SNX1: variants seen among roughly 807,000 people sequenced by gnomAD.
SNX1 encodes the protein sorting nexin 1, also known as sorting nexin-1.
Under a neutral mutation model 71.8 loss-of-function variants are expected in SNX1, and 36 were observed. That is an observed-to-expected ratio of 0.50 (90% CI 0.38 to 0.66). The LOEUF is 0.66. SNX1 is among the 30% of genes least tolerant of loss of function. SNX1 has a pLI of 0.00. For synonymous variants in SNX1, 254 were observed against 240.7 expected, an observed-to-expected ratio of 1.06 and a Z score of -0.51; for missense variants, 612 against 646.7, an observed-to-expected ratio of 0.95 and a Z score of 0.58.
Position 64,138,094 on chromosome 15 carries a change from C to T in SNX1, c.*476C>T, listed in dbSNP as rs1049446739. Reference sequence around the variant, plus strand: ...GGAATACTCCTAACCAAGAAGTTGCCCAGGTATAGTAAGTTTTTCTCTACC... The same window carrying T: ...GGAATACTCCTAACCAAGAAGTTGCTCAGGTATAGTAAGTTTTTCTCTACC... On this transcript the variant is annotated 3_prime_UTR_variant, in exon 15 of 15. Coordinates refer to ENST00000559844, the MANE Select transcript of SNX1 (RefSeq NM_003099.5). The T allele has an allele frequency of 6.5e-7, 1 of 1,535,702 alleles. No individual in the cohort carries two copies. The highest frequency in any genetic ancestry group is 8.7e-7 in the Non-Finnish European group (1 of 1,146,868).
At chr15:64,135,351 C>T (rs190980634) in intron 12 of SNX1, among the ~76,000 whole-genome samples, 34 of 150,914 alleles carry the variant, frequency 2.3e-4, no homozygotes, top group Middle Eastern at 3.4e-3. Flanking sequence ...CCACCTGCCT[C>T]GGCCTCCCAA....
rs1271297322 is a variant in SNX1, at chr15:64,134,821, G to A, written c.1365+14G>A. The A allele has an allele frequency of 6.2e-7, 1 of 1,613,492 alleles. No homozygotes were observed. ...GAGATCCTCGAGGTGAGTCCACTGAGGCAGCCCAGCCAGGGGTGTTCTGCT... is the reference window on the plus strand; with the variant it reads ...GAGATCCTCGAGGTGAGTCCACTGAAGCAGCCCAGCCAGGGGTGTTCTGCT... On this transcript the variant is annotated intron_variant, in intron 12 of 14. Transcript: ENST00000559844. The surrounding 1 kb of genome is among the most constrained non-coding windows in gnomAD (Gnocchi z 4.1).
Position 64,096,001 on chromosome 15 carries a change from C to A in SNX1, c.-13C>A, listed in dbSNP as rs1172569555. The stretch of plus-strand genomic sequence containing the variant: ...AAAGTTGTTGTTGCGGCTTCCGCCG[C>A]GGGTGGAAGAAGATGGCGTCGGGTG... On this transcript the variant is annotated 5_prime_UTR_variant, in exon 1 of 15. Transcript: ENST00000559844. The A allele has an allele frequency of 3.1e-6, 5 of 1,594,964 alleles. No individual in the cohort carries two copies. Among genetic ancestry groups the A allele is most frequent in the African/African-American group, 1.3e-5 (1 of 74,928 alleles).
chr15:64,120,690 A>C (rs2081188018), intron 4 of SNX1, among the ~76,000 whole-genome samples: 1 of 152,048 alleles, frequency 6.6e-6, no homozygotes, highest in Non-Finnish European at 1.5e-5. Flanking sequence ...AAAAATAAAA[A>C]ATTACAGAGG....
At chr15:64,130,377 T>C (rs1375153689) in intron 10 of SNX1, 56 bp downstream of exon 10, 1 of 1,398,726 alleles carries the variant, frequency 7.1e-7, no homozygotes, top group Non-Finnish European at 1.0e-6. Flanking sequence ...TCTAGTGAAC[T>C]GGAGATGCGA....
intron 5 of SNX1, among the ~76,000 whole-genome samples, chr15:64,124,756 G>T (rs931401791): frequency 6.6e-6 from 1 of 152,142 alleles, no homozygotes; most frequent in African/African-American, 2.4e-5. Flanking sequence ...AGTAATTCCC[G>T]TGGGTCATAG....
At chr15:64,135,643 C>T (rs2081351506) in intron 12 of SNX1, among the ~76,000 whole-genome samples, 1 of 151,124 alleles carries the variant, frequency 6.6e-6, no homozygotes, top group Non-Finnish European at 1.5e-5. Flanking sequence ...CTTATAGTCT[C>T]AGATACTCAG....
In SNX1 at chr15:64,123,505, G is replaced by T. The variant is rs1232939902; in HGVS notation, c.469G>T (p.Asp157Tyr). ...TCTGCTTTCTTGTTCTCTCACAGGGGATGGTATGAATGCATATGTAGCCTA... is the reference window on the plus strand; with the variant it reads ...TCTGCTTTCTTGTTCTCTCACAGGGTATGGTATGAATGCATATGTAGCCTA... ...VGITDPEKIG[D>Y]GMNAYVAYKV... The change falls in exon 5 of 15, where the codon GAT becomes TAT. Residue 157 changes from aspartate (D) to tyrosine (Y), a missense_variant and splice_region_variant. Around this residue, in one of 2 missense-constraint regions of SNX1, gnomAD observed 316 missense variants for 284.9 expected, o/e 1.11. Coordinates refer to ENST00000559844, the MANE Select transcript of SNX1 (RefSeq NM_003099.5). The T allele has an allele frequency of 1.2e-6, 2 of 1,613,504 alleles. No homozygotes were observed. Among genetic ancestry groups the T allele is most frequent in the African/African-American group, 2.7e-5 (2 of 74,920 alleles).
intron 5 of SNX1, 76 bp downstream of exon 5, chr15:64,123,622 T>C (rs1352332200): frequency 8.3e-7 from 1 of 1,209,728 alleles, no homozygotes; most frequent in Non-Finnish European, 1.2e-6. Context: ...TTCAGATTAT[T>C]TCTGGGTATC....
intron 1 of SNX1, among the ~76,000 whole-genome samples, chr15:64,098,931 A>C (rs1470377507): frequency 6.6e-6 from 1 of 152,160 alleles, no homozygotes; most frequent in African/African-American, 2.4e-5. Context: ...AGGAAACTAA[A>C]ATGCCACCTA....
chr15:64,138,724 CAG>C lies in SNX1; in HGVS notation c.*1109_*1110del. Reference sequence around the variant, plus strand: ...CTCTGCCGGTCTAGCCAGGGGAGGCCAGAGTCTCGTCAGTCAAGGATGGGCTT... The same window carrying C: ...CTCTGCCGGTCTAGCCAGGGGAGGCCAGTCTCGTCAGTCAAGGATGGGCTT... On this transcript the variant is annotated 3_prime_UTR_variant, in exon 15 of 15. Transcript: ENST00000559844. 2 of 153,026 alleles carry C rather than the reference CAG, an allele frequency of 1.3e-5. No homozygotes were observed. Among genetic ancestry groups the C allele is most frequent in the South Asian group, 4.1e-4 (2 of 4,860 alleles). The allele number at this position is 153,026 out of a possible 1,614,324, so 9.5% of individuals were successfully genotyped here.
At chr15:64,123,661 G>A (rs1344585148) in intron 5 of SNX1, 115 bp downstream of exon 5, 1 of 857,924 alleles carries the variant, frequency 1.2e-6, no homozygotes, top group East Asian at 2.5e-5. Flanking sequence ...ACATCTTCAT[G>A]TTTACTCAAG....
intron 5 of SNX1, among the ~76,000 whole-genome samples, chr15:64,123,770 A>G (rs531655444): frequency 7.2e-5 from 11 of 152,234 alleles, no homozygotes; most frequent in Non-Finnish European, 1.2e-4. Flanking sequence ...GTGTGATTCT[A>G]TTAACTCGTG....
At chr15:64,132,151 T>C (rs930200477) in intron 11 of SNX1, among the ~76,000 whole-genome samples, 2 of 152,188 alleles carry the variant, frequency 1.3e-5, no homozygotes, top group Non-Finnish European at 2.9e-5. Context: ...TCCGAATAGG[T>C]TGCCCTTTAT....
intron 1 of SNX1, among the ~76,000 whole-genome samples, chr15:64,109,331 C>T (rs2081054749): frequency 6.6e-6 from 1 of 151,820 alleles, no homozygotes; most frequent in African/African-American, 2.4e-5. Context: ...AAGACCACGC[C>T]ACTGCACAAT....
rs1303697758 is a variant in SNX1 at position 64,129,628 on chromosome 15, C to T, written c.808-288C>T. ...CTTAAGCAGTTCATGCCTGGGTAGG[C>T]AGACAATCTCAATTTGAGGTCACCT... is the stretch of plus-strand genomic sequence containing the variant. On this transcript the variant is annotated intron_variant, in intron 8 of 14. Coordinates refer to ENST00000559844, the MANE Select transcript of SNX1 (RefSeq NM_003099.5). This position sits in a 1 kb window ranked among gnomAD's most constrained non-coding sequence, Gnocchi z 4.4. Among the ~76,000 whole-genome samples the T allele has an allele frequency of 2.0e-5, 3 of 152,184 alleles. No individual in the cohort carries two copies. The highest frequency in any genetic ancestry group is 7.2e-5 in the African/African-American group (3 of 41,432).
Position 64,138,822 on chromosome 15 carries a change from TCGAGC to T in SNX1, c.*1205_*1209del. 1 of 152,344 alleles carries T rather than the reference TCGAGC, an allele frequency of 6.6e-6. No homozygotes were observed. Among genetic ancestry groups the T allele is most frequent in the Non-Finnish European group, 1.5e-5 (1 of 68,204 alleles). The allele number at this position is 152,344 out of a possible 1,614,324, so 9.4% of individuals were successfully genotyped here. ...TGGGCTTTGAAGCTCCTTTGTGAGC[TCGAGC>T]TGCTGACTGCCACTATGGGAGCCTT... On this transcript the variant is annotated 3_prime_UTR_variant, in exon 15 of 15. Transcript: ENST00000559844.
chr15:64,133,119 C>T lies in SNX1; in HGVS notation c.1221+1227C>T, dbSNP rs2081323626. Among the ~76,000 whole-genome samples the T allele has an allele frequency of 3.9e-5, 6 of 152,152 alleles. No individual in the cohort carries two copies. The South Asian group carries it at 1.0e-3, about 26-fold the overall frequency. On this transcript the variant is annotated intron_variant, in intron 11 of 14. Transcript: ENST00000559844. Reference sequence around the variant, plus strand: ...AAGTGTGCCTCATGGCACATAATTGCGAATGGTCTTTTCTCAGAGACCCTT... The same window carrying T: ...AAGTGTGCCTCATGGCACATAATTGTGAATGGTCTTTTCTCAGAGACCCTT...
chr15:64,137,175 C>T (rs1262720584), intron 14 of SNX1, among the ~76,000 whole-genome samples: 1 of 152,188 alleles, frequency 6.6e-6, no homozygotes, highest in African/African-American at 2.4e-5. Flanking sequence ...AGGACAAACC[C>T]CATCTCCCTG....
Sources: allele counts gnomAD v4.1 joint callset (sites outside exome capture counted in the v4.1 genomes callset), GRCh38; gene constraint gnomAD v4.1.1; regional missense constraint gnomAD v4.1.1; non-coding constraint Gnocchi (gnomAD v3.1); transcripts MANE v1.5; gene names NCBI Gene and HGNC (gene_info 2026-07-23, HGNC 2026-07-21).